PDE1A: variants seen among roughly 807,000 people sequenced by gnomAD.
The protein encoded by PDE1A is dual specificity calcium/calmodulin-dependent 3',5'-cyclic nucleotide phosphodiesterase 1A.
PDE1A carries 35 observed loss-of-function variants against 61.7 expected under a neutral mutation model. The ratio of observed to expected loss-of-function variants is 0.57; its 90% CI spans 0.43 to 0.75. The LOEUF (loss-of-function observed/expected upper bound fraction) is 0.75. Ranked by LOEUF, PDE1A falls within the 30% of genes least tolerant of loss-of-function variation. The probability of loss-of-function intolerance (pLI) is 0.00; values close to 1 mark genes in which losing one functional copy is unlikely to be tolerated. For synonymous variants in PDE1A, 232 were observed against 213.2 expected (o/e 1.09, Z -0.77); for missense variants, 597 against 630.6 (o/e 0.95, Z 0.57).
intron 1 of PDE1A, among the ~76,000 whole-genome samples, chr2:182,371,113 T>C (rs1372995166): frequency 6.6e-6 from 1 of 152,134 alleles, no homozygotes; most frequent in East Asian, 1.9e-4. Context: ...GAATCACAAC[T>C]TAATGTCATT....
At chr2:182,411,817 T>C (rs963389935) in intron 1 of PDE1A, among the ~76,000 whole-genome samples, 2 of 152,026 alleles carry the variant, frequency 1.3e-5, no homozygotes, top group Non-Finnish European at 2.9e-5. Context: ...TCCCAGCACT[T>C]TGGGAGACTG....
chr2:182,333,279 T>C (rs1559346931), intron 1 of PDE1A, among the ~76,000 whole-genome samples: 1 of 152,124 alleles, frequency 6.6e-6, no homozygotes, highest in Non-Finnish European at 1.5e-5. Flanking sequence ...GAATATACAT[T>C]CTTCTCAGCA....
At chr2:182,351,542 G>A (rs1698879540) in intron 1 of PDE1A, among the ~76,000 whole-genome samples, 1 of 152,166 alleles carries the variant, frequency 6.6e-6, no homozygotes, top group Non-Finnish European at 1.5e-5. Context: ...TTGAATAAGA[G>A]ATGAAAATAT....
At chr2:182,575,049 G>T in the PDE1A span, among the ~76,000 whole-genome samples, 1 of 152,174 alleles carries the variant, frequency 6.6e-6, no homozygotes, top group African/African-American at 2.4e-5. Context: ...CATGGTTGTA[G>T]CTGGTACTGA....
chr2:182,678,846 A>G, the PDE1A span, among the ~76,000 whole-genome samples: 1 of 152,164 alleles, frequency 6.6e-6, no homozygotes. Context: ...GTAGAAAGTC[A>G]TAGTTAAATA....
intron 7 of PDE1A, among the ~76,000 whole-genome samples, chr2:182,208,621 G>A (rs1164075451): frequency 1.3e-5 from 2 of 152,186 alleles, no homozygotes; most frequent in African/African-American, 4.8e-5. Flanking sequence ...CACAGGCACT[G>A]GACGCCAGCC....
chr2:182,444,981 C>T (rs1479776738), intron 2 of PDE1A, among the ~76,000 whole-genome samples: 1 of 151,962 alleles, frequency 6.6e-6, no homozygotes, highest in Non-Finnish European at 1.5e-5. Flanking sequence ...TGGATCTGGG[C>T]CAAAAATTGT....
chr2:182,197,773 C>T (rs1001371259), intron 10 of PDE1A, among the ~76,000 whole-genome samples: 1 of 151,722 alleles, frequency 6.6e-6, no homozygotes, highest in Admixed American at 6.6e-5. Flanking sequence ...AGCCCTATGC[C>T]CTATGCCAAT....
At chr2:182,695,298 T>C in the PDE1A span, among the ~76,000 whole-genome samples, 1 of 152,034 alleles carries the variant, frequency 6.6e-6, no homozygotes, top group Non-Finnish European at 1.5e-5. Context: ...AGTCACAATG[T>C]ACCAAACCAG....
upstream of PDE1A, among the ~76,000 whole-genome samples, chr2:182,429,070 T>C (rs1398504159): frequency 2.0e-5 from 3 of 152,140 alleles, no homozygotes; most frequent in African/African-American, 2.4e-5. Context: ...TATTCTTTTT[T>C]CTTTCTGTGA....
chr2:182,381,411 G>A (rs577450418), intron 1 of PDE1A, among the ~76,000 whole-genome samples: 3 of 152,274 alleles, frequency 2.0e-5, no homozygotes, highest in African/African-American at 7.2e-5. Context: ...TCAATGAAGC[G>A]TTACATTATA....
the PDE1A span, among the ~76,000 whole-genome samples, chr2:182,708,095 T>C: frequency 6.6e-6 from 1 of 152,162 alleles, no homozygotes. Flanking sequence ...ACATATTATA[T>C]ATATGTACCA....
At chr2:182,264,886 T>TATATATATATATAC (rs1692512623) in intron 1 of PDE1A, among the ~76,000 whole-genome samples, 2 of 140,678 alleles carry the variant, frequency 1.4e-5, no homozygotes, top group South Asian at 2.3e-4. Context: ...TACATATATA[T>TATATATATATATAC]ATATATGTAT....
At chr2:182,499,037 G>C (rs1688913150) in intron 2 of PDE1A, among the ~76,000 whole-genome samples, 1 of 151,788 alleles carries the variant, frequency 6.6e-6, no homozygotes, top group Admixed American at 6.6e-5. Context: ...ACCCAGGCTG[G>C]AGTGCAACGG....
the PDE1A span, among the ~76,000 whole-genome samples, chr2:182,615,573 A>G: frequency 3.9e-5 from 6 of 152,206 alleles, no homozygotes; most frequent in Non-Finnish European, 8.8e-5. Flanking sequence ...TTACTAATAA[A>G]ATAACACATT....
chr2:182,193,904 T>C (rs189224187), intron 10 of PDE1A, among the ~76,000 whole-genome samples: 7 of 152,254 alleles, frequency 4.6e-5, no homozygotes, highest in African/African-American at 1.7e-4. Flanking sequence ...TTATGATTTT[T>C]TTGAAAAGCC....
chr2:182,241,205 C>T (rs1690479368), intron 2 of PDE1A, among the ~76,000 whole-genome samples: 1 of 152,194 alleles, frequency 6.6e-6, no homozygotes, highest in Non-Finnish European at 1.5e-5. Context: ...CCCAGAGGCT[C>T]CCCACCAAAT....
chr2:182,306,296 G>A (rs1378202420), intron 1 of PDE1A, among the ~76,000 whole-genome samples: 1 of 152,052 alleles, frequency 6.6e-6, no homozygotes, highest in African/African-American at 2.4e-5. Context: ...AGTGAACATG[G>A]GAGTGCAGAT....
intron 7 of PDE1A, among the ~76,000 whole-genome samples, chr2:182,211,752 A>C (rs1031903086): frequency 1.2e-4 from 19 of 152,282 alleles, no homozygotes; most frequent in African/African-American, 4.1e-4. Flanking sequence ...TTTAATTTTG[A>C]GTGGTGCTAA....
Sources: gnomAD v4.1 joint callset for allele counts (sites outside exome capture counted in the v4.1 genomes callset) on GRCh38, gnomAD v4.1.1 for gene constraint, MANE v1.5 for transcripts, NCBI Gene and HGNC (gene_info 2026-07-23, HGNC 2026-07-21) for gene names.